PGM1: variants seen among roughly 807,000 people sequenced by gnomAD.
PGM1 encodes the protein phosphoglucomutase 1, also known as phosphoglucomutase-1.
In PGM1, 52 loss-of-function variants were observed where a neutral mutation model predicts 55.6. The observed-to-expected ratio is 0.94, with a 90% CI of 0.75 to 1.18. PGM1 has a LOEUF of 1.18. Ranked by LOEUF, PGM1 falls within the 50% of genes most tolerant of loss-of-function variation. PGM1 has a pLI of 0.00. For synonymous variants in PGM1, 287 were observed against 271.7 expected (o/e 1.06, Z -0.55); for missense variants, 724 against 729.3 (o/e 0.99, Z 0.08).
In PGM1 at chr1:63,654,360, C is replaced by T. The variant is rs776683132; in HGVS notation, c.1493C>T (p.Ser498Phe). 2.1e-5 allele frequency: 34 copies of T among 1,613,936 alleles called. No individual in the cohort carries two copies. Among genetic ancestry groups the T allele is most frequent in the Non-Finnish European group, 4.2e-6 (5 of 1,179,920 alleles). The change falls in exon 10 of 11, where the codon TCT becomes TTT. Residue 498 changes from serine (S) to phenylalanine (F), a missense_variant. By Grantham distance (155) the Ser-to-Phe change is radical. Around this residue, in one of 3 missense-constraint regions of PGM1, gnomAD observed 316 missense variants for 313.1 expected, o/e 1.01. Coordinates refer to ENST00000371084, the MANE Select transcript of PGM1 (RefSeq NM_002633.3). The part of the protein sequence containing the change: ...QGLRLIFTDG[S>F]RIVFRLSGTG... ...TTGCGCCTCATTTTCACAGATGGTT[C>T]TCGAATCGTCTTCCGACTGAGCGGC...
chr1:63,629,696 A>AG, intron 2 of PGM1, 109 bp downstream of exon 2: 1 of 1,129,240 alleles, frequency 8.9e-7, no homozygotes, highest in South Asian at 1.3e-5. Flanking sequence ...TGCAGGGGGT[A>AG]GGGAGGTGCT....
chr1:63,607,330 G>A (rs1422113801), intron 1 of PGM1, among the ~76,000 whole-genome samples: 1 of 152,194 alleles, frequency 6.6e-6, no homozygotes, highest in African/African-American at 2.4e-5. Context: ...GCTTCTGTGT[G>A]CCTTGTCCTG....
chr1:63,596,156 TC>T (rs1453645531), intron 1 of PGM1, among the ~76,000 whole-genome samples: 1 of 152,048 alleles, frequency 6.6e-6, no homozygotes, highest in East Asian at 1.9e-4. Context: ...TTGCTTACTC[TC>T]CTGATTCTAC....
chr1:63,606,157 C>G (rs1014749909), intron 1 of PGM1, among the ~76,000 whole-genome samples: 1 of 152,194 alleles, frequency 6.6e-6, no homozygotes, highest in Non-Finnish European at 1.5e-5. Context: ...TGAATTCTGC[C>G]AACCATTTGT....
chr1:63,631,922 A>G (rs1649207775), intron 4 of PGM1, 140 bp downstream of exon 4: 2 of 819,556 alleles, frequency 2.4e-6, no homozygotes, highest in South Asian at 3.0e-5. Context: ...AACCAGAGCA[A>G]TATTCACACA....
chr1:63,593,560 G>A lies in PGM1; in HGVS notation c.72G>A (p.Lys24=). 6.2e-7 allele frequency: 1 copy of A among 1,613,914 alleles called. No homozygotes were observed. Among genetic ancestry groups the A allele is most frequent in the Non-Finnish European group, 8.5e-7 (1 of 1,179,950 alleles). ...AGCCGGGCACGAGCGGGCTGCGGAA[G>A]CGGGTGAAGGTGTTCCAGAGCAGCG... ...DQKPGTSGLR[K]RVKVFQSSAN... Residue 24 remains lysine (K), a synonymous_variant, in exon 1 of 11, where the codon AAG becomes AAA. Transcript: ENST00000371084.
chr1:63,648,891 A>T (rs1283822795), intron 8 of PGM1, among the ~76,000 whole-genome samples: 1 of 152,240 alleles, frequency 6.6e-6, no homozygotes, highest in African/African-American at 2.4e-5. Context: ...TAAATGCTTT[A>T]TAAGCATTTT....
chr1:63,643,684 C>CA (rs1649576275), intron 7 of PGM1, among the ~76,000 whole-genome samples: 1 of 152,236 alleles, frequency 6.6e-6, no homozygotes, highest in South Asian at 2.1e-4. Context: ...GGGGCCCGGC[C>CA]ATTCTTTGGG....
intron 10 of PGM1, among the ~76,000 whole-genome samples, chr1:63,658,065 C>T (rs945910749): frequency 6.6e-6 from 1 of 152,194 alleles, no homozygotes; most frequent in Non-Finnish European, 1.5e-5. Flanking sequence ...CACCATCTAG[C>T]CGGGGAGCTG....
At chr1:63,648,405 C>T (rs1476259399) in intron 7 of PGM1, 112 bp from the exon 8 acceptor site, 1 of 1,156,158 alleles carries the variant, frequency 8.6e-7, no homozygotes, top group African/African-American at 1.5e-5. Flanking sequence ...CCATCACGTC[C>T]CTCCCTCAAC....
At chr1:63,656,882 G>T (rs1040154802) in intron 10 of PGM1, among the ~76,000 whole-genome samples, 1 of 152,118 alleles carries the variant, frequency 6.6e-6, no homozygotes, top group African/African-American at 2.4e-5. Context: ...AGTTATGTAG[G>T]ATGTAGCAGT....
At position 63,593,652 on chromosome 1, in the gene PGM1, C is replaced by A. The variant is rs1206022735; in HGVS notation, c.164C>A (p.Ala55Asp). Residue 55 changes from alanine to aspartate, a missense_variant, in exon 1 of 11, where the codon GCC becomes GAC. By Grantham distance (126) the Ala-to-Asp change is moderately radical. Coordinates refer to ENST00000371084, the MANE Select transcript of PGM1 (RefSeq NM_002633.3). The part of the protein sequence containing the change: ...STVEPAQRQE[A>D]TLVVGGDGRF... ...GTGGAGCCGGCGCAGCGGCAGGAGG[C>A]CACGCTGGTGGTGGGCGGGGACGGC... 1 of 1,610,150 alleles carries A rather than the reference C, an allele frequency of 6.2e-7. No homozygotes were observed. Among genetic ancestry groups the A allele is most frequent in the African/African-American group, 1.3e-5 (1 of 74,900 alleles).
intron 1 of PGM1, among the ~76,000 whole-genome samples, chr1:63,626,528 G>C (rs1053364019): frequency 6.6e-6 from 1 of 151,820 alleles, no homozygotes; most frequent in African/African-American, 2.4e-5. Context: ...AGCCTTATCC[G>C]GGCTGTAGAA....
intron 1 of PGM1, chr1:63,623,889 A>G: frequency 1.6e-6 from 1 of 631,864 alleles, no homozygotes; most frequent in Non-Finnish European, 2.7e-6. Flanking sequence ...GCTAAGTTTC[A>G]TTGTAACTTC....
chr1:63,607,029 T>C (rs1459968886), intron 1 of PGM1, among the ~76,000 whole-genome samples: 1 of 152,226 alleles, frequency 6.6e-6, no homozygotes, highest in African/African-American at 2.4e-5. Context: ...TATTTTTTAG[T>C]CTATTCACAG....
intron 1 of PGM1, among the ~76,000 whole-genome samples, chr1:63,616,349 C>T (rs1052407899): frequency 3.9e-5 from 6 of 152,184 alleles, no homozygotes; most frequent in Non-Finnish European, 7.3e-5. Flanking sequence ...AAGCCTTGCA[C>T]ATCTTCAAAT....
At chr1:63,638,140 G>A (rs775783612) in intron 6 of PGM1, among the ~76,000 whole-genome samples, 71 of 152,170 alleles carry the variant, frequency 4.7e-4, no homozygotes, top group Non-Finnish European at 8.2e-4. Context: ...CCCACTGGGC[G>A]TTTCCCCTGG....
At chr1:63,605,673 CT>C (rs1648399202) in intron 1 of PGM1, among the ~76,000 whole-genome samples, 2 of 152,030 alleles carry the variant, frequency 1.3e-5, no homozygotes, top group South Asian at 4.2e-4. Flanking sequence ...AATTCTCAGG[CT>C]CAAGTGATCC....
At chr1:63,654,614 C>T in intron 10 of PGM1, 148 bp downstream of exon 10, 1 of 727,558 alleles carries the variant, frequency 1.4e-6, no homozygotes, top group Non-Finnish European at 2.3e-6. Flanking sequence ...TTCTCCATGT[C>T]AACATTATAG....
Sources: gnomAD v4.1 joint callset for allele counts (sites outside exome capture counted in the v4.1 genomes callset) on GRCh38, gnomAD v4.1.1 for gene constraint, gnomAD v4.1.1 regional missense constraint, MANE v1.5 for transcripts, NCBI Gene and HGNC (gene_info 2026-07-23, HGNC 2026-07-21) for gene names.